The following KRABD5 variants were observed in gnomAD, a reference collection of about 807,000 sequenced individuals.
The protein encoded by KRABD5 is KRAB domain-containing protein 5.
At chr16:31,747,458 A>T in the KRABD5 span, among the ~76,000 whole-genome samples, 3 of 152,220 alleles carry the variant, frequency 2.0e-5, no homozygotes, top group African/African-American at 7.2e-5. Flanking sequence ...ATACATGTGC[A>T]TGTGTCTTTA....
chr16:31,713,280 G>A, the KRABD5 span: 1 of 1,055,212 alleles, frequency 9.5e-7, no homozygotes, highest in Non-Finnish European at 1.4e-6. Context: ...TGCAGTAAGA[G>A]CTCAGTCTCT....
the KRABD5 span, chr16:31,756,760 T>G: frequency 1.3e-5 from 2 of 152,170 alleles, no homozygotes; most frequent in Admixed American, 1.3e-4. Flanking sequence ...TCAGTCCAAT[T>G]GAACACTTAG....
the KRABD5 span, among the ~76,000 whole-genome samples, chr16:31,731,485 A>G: frequency 6.6e-6 from 1 of 152,092 alleles, no homozygotes; most frequent in African/African-American, 2.4e-5. Flanking sequence ...AGTCTCTGGG[A>G]GTGGTTTCAT....
At chr16:31,754,296 C>T in the KRABD5 span, 1 of 622,098 alleles carries the variant, frequency 1.6e-6, no homozygotes, top group Non-Finnish European at 2.8e-6. Context: ...ACACCTCGTT[C>T]TGCCTGTGAT....
the KRABD5 span, among the ~76,000 whole-genome samples, chr16:31,735,352 TAA>T: frequency 6.6e-6 from 1 of 152,212 alleles, no homozygotes; most frequent in Admixed American, 6.5e-5. Flanking sequence ...TTGGCTGTTA[TAA>T]AGAGTGCTGC....
the KRABD5 span, among the ~76,000 whole-genome samples, chr16:31,747,834 G>A: frequency 6.6e-6 from 1 of 152,120 alleles, no homozygotes; most frequent in Admixed American, 6.5e-5. Context: ...TTTTGATGGG[G>A]TTGTTTGTTT....
chr16:31,745,510 T>C, the KRABD5 span, among the ~76,000 whole-genome samples: 1 of 152,242 alleles, frequency 6.6e-6, no homozygotes, highest in African/African-American at 2.4e-5. Flanking sequence ...TCAGTTATTT[T>C]GTATTTGCTG....
chr16:31,733,558 T>C, the KRABD5 span: 1 of 456,152 alleles, frequency 2.2e-6, no homozygotes, highest in South Asian at 1.5e-5. Flanking sequence ...TTTCCACACT[T>C]CTCTCCAGCT....
At chr16:31,716,320 C>T in the KRABD5 span, among the ~76,000 whole-genome samples, 1 of 152,202 alleles carries the variant, frequency 6.6e-6, no homozygotes, top group Non-Finnish European at 1.5e-5. Context: ...ACCAGTCCTT[C>T]CACCAGTTCT....
At chr16:31,736,986 A>T in the KRABD5 span, among the ~76,000 whole-genome samples, 1 of 152,338 alleles carries the variant, frequency 6.6e-6, no homozygotes, top group Middle Eastern at 3.4e-3. Flanking sequence ...TTGTATACAC[A>T]GAAAAAGTAT....
At chr16:31,757,857 GA>G in the KRABD5 span, 19 of 142,388 alleles carry the variant, frequency 1.3e-4, no homozygotes, top group South Asian at 9.3e-4. Flanking sequence ...TAGGTAGATA[GA>G]TAGATAGATA....
chr16:31,735,006 C>T, the KRABD5 span, among the ~76,000 whole-genome samples: 8 of 152,110 alleles, frequency 5.3e-5, no homozygotes, highest in Admixed American at 2.0e-4. Flanking sequence ...CTCTTGGCCT[C>T]GCAAAGTGCT....
chr16:31,730,038 A>G, the KRABD5 span, among the ~76,000 whole-genome samples: 1 of 152,190 alleles, frequency 6.6e-6, no homozygotes, highest in Non-Finnish European at 1.5e-5. Context: ...TTCTTATACT[A>G]GAATTAAAAG....
chr16:31,726,870 G>A, the KRABD5 span, among the ~76,000 whole-genome samples: 839 of 152,282 alleles, frequency 5.5e-3, 6 homozygotes, highest in African/African-American at 0.02. Context: ...ATCACTTTGT[G>A]TAGTGTGGAC....
At chr16:31,717,754 A>G in the KRABD5 span, among the ~76,000 whole-genome samples, 58 of 152,224 alleles carry the variant, frequency 3.8e-4, no homozygotes, top group African/African-American at 1.3e-3. Context: ...TTTCCCAAAC[A>G]CTGAGAAATG....
chr16:31,758,800 G>T, the KRABD5 span: 1 of 151,422 alleles, frequency 6.6e-6, no homozygotes, highest in Non-Finnish European at 1.5e-5. Context: ...AAAGAAAAGT[G>T]TATTTGCATA....
the KRABD5 span, chr16:31,757,690 G>A: frequency 2.0e-5 from 3 of 152,156 alleles, no homozygotes; most frequent in Admixed American, 2.0e-4. Flanking sequence ...TATGGAGGCT[G>A]TTTCTCAGTG....
At chr16:31,758,452 A>G in the KRABD5 span, 2 of 152,122 alleles carry the variant, frequency 1.3e-5, no homozygotes, top group Non-Finnish European at 2.9e-5. Flanking sequence ...GAGGAATTCA[A>G]AAATTTCAGG....
At chr16:31,755,459 A>G in the KRABD5 span, 1 of 468,412 alleles carries the variant, frequency 2.1e-6, no homozygotes, top group Non-Finnish European at 4.4e-6. Context: ...TACTGGAGTA[A>G]AACTTTACAA....
Sources: allele counts gnomAD v4.1 joint callset (sites outside exome capture counted in the v4.1 genomes callset), GRCh38; gene constraint gnomAD v4.1.1; transcripts MANE v1.5; gene names NCBI Gene and HGNC (gene_info 2026-07-23, HGNC 2026-07-21).